Variants in ANXA8 observed in about 807,000 individuals in gnomAD.
ANXA8 encodes the protein annexin A8.
In ANXA8, 9 loss-of-function variants were observed where a neutral mutation model predicts 26.8. That is an observed-to-expected ratio of 0.34 (90% CI 0.20 to 0.59). The LOEUF is 0.59. Among genes scored for constraint, ANXA8 ranks in the 20% least tolerant of loss-of-function variants. The pLI, the probability that ANXA8 is intolerant of heterozygous loss-of-function variation, is 0.84. For missense variants in ANXA8, 83 were observed against 238.5 expected (o/e 0.35, Z 4.29); for synonymous variants, 39 against 94.8 (o/e 0.41, Z 3.42).
the ANXA8 span, among the ~76,000 whole-genome samples, chr10:47,552,245 C>G: frequency 1.3e-5 from 2 of 151,792 alleles, no homozygotes; most frequent in Non-Finnish European, 2.9e-5. Flanking sequence ...TATTCTATAT[C>G]TGTACTTTTC....
At chr10:47,570,919 T>G in the ANXA8 span, among the ~76,000 whole-genome samples, 1 of 150,110 alleles carries the variant, frequency 6.7e-6, no homozygotes, top group Non-Finnish European at 1.5e-5. Flanking sequence ...TCTTTCATAA[T>G]AAAAGGCATT....
the ANXA8 span, among the ~76,000 whole-genome samples, chr10:47,700,307 G>A: frequency 6.6e-6 from 1 of 151,910 alleles, no homozygotes; most frequent in Non-Finnish European, 1.5e-5. Context: ...GAATAGACAA[G>A]TAGACCAGTG....
At chr10:47,553,512 G>C in the ANXA8 span, 1 of 160,970 alleles carries the variant, frequency 6.2e-6, no homozygotes, top group Admixed American at 6.5e-5. Context: ...GGTCCGCTTG[G>C]ACACCGCCGG....
At chr10:47,684,428 G>T in the ANXA8 span, among the ~76,000 whole-genome samples, 2 of 151,250 alleles carry the variant, frequency 1.3e-5, no homozygotes, top group African/African-American at 4.9e-5. Context: ...TTTTTTGGGG[G>T]GGGGGTGAGG....
the ANXA8 span, among the ~76,000 whole-genome samples, chr10:47,682,755 C>T: frequency 6.6e-6 from 1 of 152,018 alleles, no homozygotes; most frequent in Non-Finnish European, 1.5e-5. Context: ...CAGGCATGAC[C>T]CACTGCACCT....
At chr10:47,676,601 A>G in the ANXA8 span, among the ~76,000 whole-genome samples, 3 of 151,832 alleles carry the variant, frequency 2.0e-5, no homozygotes, top group Admixed American at 1.3e-4. Flanking sequence ...GTCCAGCCTG[A>G]GTAAAGTAGT....
the ANXA8 span, among the ~76,000 whole-genome samples, chr10:47,768,876 T>C: frequency 6.6e-6 from 1 of 151,222 alleles, no homozygotes; most frequent in Non-Finnish European, 1.5e-5. Context: ...TTTGTGGATC[T>C]TGGGCACATG....
chr10:47,527,463 G>T, the ANXA8 span, among the ~76,000 whole-genome samples: 1 of 140,238 alleles, frequency 7.1e-6, no homozygotes, highest in African/African-American at 2.7e-5. Flanking sequence ...AGACATGTAT[G>T]AATCAGGAAT....
chr10:47,907,765 C>CA, the ANXA8 span, among the ~76,000 whole-genome samples: 802 of 27,130 alleles, frequency 0.03, 249 homozygotes, highest in Non-Finnish European at 0.043. Context: ...GAGACTGTCT[C>CA]AAAAAAAAAA....
chr10:47,563,613 A>G, the ANXA8 span: 2 of 880,058 alleles, frequency 2.3e-6, no homozygotes, highest in Non-Finnish European at 2.0e-6. Context: ...GGTATCCGTT[A>G]TAGCACTGAT....
At chr10:47,647,959 A>G in the ANXA8 span, among the ~76,000 whole-genome samples, 13 of 151,856 alleles carry the variant, frequency 8.6e-5, no homozygotes, top group African/African-American at 3.2e-4. Flanking sequence ...GCTTAGATGA[A>G]TAAAGGGAAG....
At chr10:47,487,269 G>A, upstream of ANXA8, 2 of 1,282,236 alleles carry the variant, frequency 1.6e-6, no homozygotes, top group Non-Finnish European at 2.1e-6. Context: ...GTGGTAGCAG[G>A]TGCACTCACT....
chr10:47,561,568 G>A, the ANXA8 span, among the ~76,000 whole-genome samples: 2 of 151,806 alleles, frequency 1.3e-5, no homozygotes, highest in Non-Finnish European at 2.9e-5. Flanking sequence ...TGATATGTAT[G>A]GAGGCTTATG....
the ANXA8 span, among the ~76,000 whole-genome samples, chr10:47,743,463 C>G: frequency 2.4e-5 from 3 of 123,260 alleles, no homozygotes; most frequent in Non-Finnish European, 5.0e-5. Context: ...GCAGTGTTTG[C>G]CATAAAAATC....
At chr10:47,586,682 G>A in the ANXA8 span, among the ~76,000 whole-genome samples, 1 of 145,800 alleles carries the variant, frequency 6.9e-6, no homozygotes, top group Non-Finnish European at 1.5e-5. Context: ...TTGGAAGGAG[G>A]GATGAGGTGA....
intron 11 of ANXA8, among the ~76,000 whole-genome samples, chr10:47,470,228 TC>T (rs1207415008): frequency 1.3e-5 from 2 of 151,816 alleles, no homozygotes; most frequent in African/African-American, 2.4e-5. Flanking sequence ...ACATCTGTGG[TC>T]TACACTAAAA....
the ANXA8 span, among the ~76,000 whole-genome samples, chr10:47,571,560 TACAAA>T: frequency 6.7e-6 from 1 of 149,138 alleles, no homozygotes; most frequent in African/African-American, 2.6e-5. Context: ...TGTAAATTTC[TACAAA>T]ACAAAACAAA....
At chr10:47,733,206 T>TC in the ANXA8 span, among the ~76,000 whole-genome samples, 39 of 91,162 alleles carry the variant, frequency 4.3e-4, no homozygotes, top group Admixed American at 2.0e-3. Context: ...TCTTTCTTTC[T>TC]TTCTTTCTTT....
chr10:47,718,128 G>A, the ANXA8 span, among the ~76,000 whole-genome samples: 2 of 152,252 alleles, frequency 1.3e-5, no homozygotes, highest in African/African-American at 4.8e-5. Flanking sequence ...TAACAAACCT[G>A]CACATCTACC....
Sources: allele counts gnomAD v4.1 joint callset (sites outside exome capture counted in the v4.1 genomes callset), GRCh38; gene constraint gnomAD v4.1.1; transcripts MANE v1.5; gene names NCBI Gene and HGNC (gene_info 2026-07-23, HGNC 2026-07-21).